DIAPH3: variants seen among roughly 807,000 people sequenced by gnomAD.
DIAPH3 encodes diaphanous related formin 3, also known as protein diaphanous homolog 3.
DIAPH3 carries 117 observed loss-of-function variants against 144.3 expected under a neutral mutation model. The ratio of observed to expected loss-of-function variants is 0.81; its 90% CI spans 0.70 to 0.95. The LOEUF (loss-of-function observed/expected upper bound fraction) is 0.95. Among genes scored for constraint, DIAPH3 ranks in the 40% least tolerant of loss-of-function variants. The probability of loss-of-function intolerance (pLI) is 0.00; values close to 1 mark genes in which losing one functional copy is unlikely to be tolerated. For missense variants in DIAPH3, 1,421 were observed against 1,412.7 expected, an observed-to-expected ratio of 1.01 and a Z score of -0.09; for synonymous variants, 519 against 488.9, an observed-to-expected ratio of 1.06 and a Z score of -0.81.
intron 27 of DIAPH3, among the ~76,000 whole-genome samples, chr13:59,679,439 C>T (rs1241025143): frequency 1.3e-5 from 2 of 152,136 alleles, no homozygotes; most frequent in African/African-American, 4.8e-5. Context: ...TCCTCAAAGA[C>T]CTGCTTCCAG....
intron 2 of DIAPH3, among the ~76,000 whole-genome samples, chr13:60,127,402 T>TAAAA (rs895943339): frequency 1.3e-5 from 2 of 151,138 alleles, no homozygotes; most frequent in Non-Finnish European, 3.0e-5. Context: ...AATAAGCACA[T>TAAAA]AAAAAAAAGT....
rs144582456 is a variant in DIAPH3, at chr13:59,891,586, C to T, written c.2368-12118G>A. Among the ~76,000 whole-genome samples the T allele has an allele frequency of 3.0e-3, 451 of 152,020 alleles. 1 individual carries two copies. Among genetic ancestry groups the T allele is most frequent in the Middle Eastern group, 6.8e-3 (2 of 294 alleles). On this transcript the variant is annotated intron_variant, in intron 20 of 27. Coordinates refer to ENST00000400324, the MANE Select transcript of DIAPH3 (RefSeq NM_001042517.2). ...CAGAAACTAAGAAAATTTTGAAAAA[C>T]GTACTTTGAATTAGCCATCAATTCA...
intron 1 of DIAPH3, among the ~76,000 whole-genome samples, chr13:60,159,495 C>T (rs376325279): frequency 7.2e-5 from 11 of 152,016 alleles, no homozygotes; most frequent in Admixed American, 3.9e-4. Flanking sequence ...CGTAGTGACA[C>T]GTGCCTGTAA....
intron 25 of DIAPH3, among the ~76,000 whole-genome samples, chr13:59,792,735 G>C (rs2039392622): frequency 6.6e-6 from 1 of 152,092 alleles, no homozygotes; most frequent in Non-Finnish European, 1.5e-5. Context: ...TTTAGACTCT[G>C]TGGTGCATCA....
chr13:60,073,905 A>C (rs2057295253), intron 4 of DIAPH3, among the ~76,000 whole-genome samples: 1 of 152,246 alleles, frequency 6.6e-6, no homozygotes, highest in African/African-American at 2.4e-5. Flanking sequence ...AATGTGGTCC[A>C]TGTTATCAGG....
chr13:59,743,320 G>C (rs2036553803), intron 27 of DIAPH3, among the ~76,000 whole-genome samples: 1 of 152,166 alleles, frequency 6.6e-6, no homozygotes, highest in African/African-American at 2.4e-5. Context: ...GACCAGACTT[G>C]AGCAACCTTA....
At chr13:59,838,135 G>C (rs941433703) in intron 23 of DIAPH3, 5 of 152,012 alleles carry the variant, frequency 3.3e-5, no homozygotes, top group African/African-American at 1.2e-4. Flanking sequence ...TTTTAGAAGT[G>C]AGTTATCTTT....
intron 23 of DIAPH3, among the ~76,000 whole-genome samples, chr13:59,837,471 T>C (rs2042096278): frequency 6.6e-6 from 1 of 152,048 alleles, no homozygotes. Context: ...ATCTTGGTTC[T>C]ATAAACCTGA....
At chr13:59,914,133 C>T (rs1273969203) in intron 19 of DIAPH3, among the ~76,000 whole-genome samples, 1 of 152,002 alleles carries the variant, frequency 6.6e-6, no homozygotes, top group African/African-American at 2.4e-5. Flanking sequence ...AAAACAATGA[C>T]ATACTGCTGA....
At chr13:60,047,765 T>C (rs1264808387) in intron 4 of DIAPH3, among the ~76,000 whole-genome samples, 2 of 152,202 alleles carry the variant, frequency 1.3e-5, no homozygotes, top group African/African-American at 4.8e-5. Context: ...AAAACTAAAA[T>C]ATTGTACCTC....
At chr13:59,967,059 G>A (rs1194560710) in intron 17 of DIAPH3, among the ~76,000 whole-genome samples, 1 of 151,574 alleles carries the variant, frequency 6.6e-6, no homozygotes, top group African/African-American at 2.4e-5. Context: ...GCCTGTTTTT[G>A]TTTTTTTGTT....
intron 3 of DIAPH3, among the ~76,000 whole-genome samples, chr13:60,105,099 C>CAAAAAAAAAAAACAAAA (rs530311392): frequency 2.4e-5 from 1 of 41,840 alleles, no homozygotes; most frequent in Non-Finnish European, 4.4e-5. Flanking sequence ...GACACGATCT[C>CAAAAAAAAAAAACAAAA]AAAAAAAAAA....
intron 27 of DIAPH3, among the ~76,000 whole-genome samples, chr13:59,741,584 G>C (rs1259543472): frequency 1.3e-5 from 2 of 151,680 alleles, no homozygotes; most frequent in East Asian, 3.9e-4. Context: ...GTGAGATCCT[G>C]TTTCAAAAAA....
chr13:60,134,520 C>A (rs1247164518), intron 1 of DIAPH3, among the ~76,000 whole-genome samples: 5 of 152,182 alleles, frequency 3.3e-5, no homozygotes, highest in African/African-American at 1.2e-4. Flanking sequence ...GGAGCTGGGG[C>A]AATGCCTGTG....
chr13:59,833,262 T>C lies in DIAPH3; in HGVS notation c.2872A>G (p.Ile958Val), dbSNP rs761721396. The C allele has an allele frequency of 6.2e-7, 1 of 1,607,390 alleles. No homozygotes were observed. Among genetic ancestry groups the C allele is most frequent in the East Asian group, 2.2e-5 (1 of 44,652 alleles). ...KFVTKMSRFVISAKEQYETLS... is the reference protein window; with the variant it reads ...KFVTKMSRFVVSAKEQYETLS... Reference sequence around the variant, plus strand: ...GTCTCATATTGTTCTTTTGCACTGATAACAAATCTGTATACTATAGTTAAG... The same window carrying C: ...GTCTCATATTGTTCTTTTGCACTGACAACAAATCTGTATACTATAGTTAAG... The change falls in exon 24 of 28, where the codon ATC (isoleucine) becomes GTC (valine). Residue 958 changes from isoleucine (I) to valine (V), a missense_variant. Physicochemically the swap from Ile to Val is conservative, Grantham distance 29. Transcript: ENST00000400324.
At chr13:60,120,483 T>C (rs2058818433) in intron 2 of DIAPH3, among the ~76,000 whole-genome samples, 1 of 152,224 alleles carries the variant, frequency 6.6e-6, no homozygotes, top group African/African-American at 2.4e-5. Context: ...AGAGGCTTCT[T>C]TGAAAAGACG....
chr13:59,758,475 G>A (rs953670148), intron 27 of DIAPH3, among the ~76,000 whole-genome samples: 1 of 152,216 alleles, frequency 6.6e-6, no homozygotes, highest in Admixed American at 6.5e-5. Flanking sequence ...CAGGACATGT[G>A]TGGAATGTGA....
At chr13:59,825,307 G>A (rs1002700495) in intron 24 of DIAPH3, among the ~76,000 whole-genome samples, 7 of 151,972 alleles carry the variant, frequency 4.6e-5, no homozygotes, top group Admixed American at 3.3e-4. Flanking sequence ...TTGTCCTTGC[G>A]ATAGTTTACT....
rs78639166 is a variant in DIAPH3 at position 60,154,735 on chromosome 13, T to C, written c.180+8852A>G. 3.4e-3 allele frequency among the ~76,000 whole-genome samples: 511 copies of C among 152,296 alleles called. 2 individuals carry two copies. The highest frequency in any genetic ancestry group is 0.012 in the African/African-American group (484 of 41,564). ...TCCTGTTCAAAGAAAGCCCATGCTT[T>C]GATCCTTAATATCCCATGAAGTAAA... On this transcript the variant is annotated intron_variant, in intron 1 of 27. Transcript: ENST00000400324.
Sources: allele counts gnomAD v4.1 joint callset (sites outside exome capture counted in the v4.1 genomes callset), GRCh38; gene constraint gnomAD v4.1.1; transcripts MANE v1.5; gene names NCBI Gene and HGNC (gene_info 2026-07-23, HGNC 2026-07-21).